JAK1: variants seen among roughly 807,000 people sequenced by gnomAD.
JAK1 encodes tyrosine-protein kinase JAK1.
In JAK1, 16 loss-of-function variants were observed where a neutral mutation model predicts 136.6. The observed-to-expected ratio is 0.12, with a 90% CI of 0.08 to 0.18. JAK1 has a LOEUF of 0.18. JAK1 is among the 10% of genes least tolerant of loss of function. JAK1 has a pLI of 1.00. For missense variants in JAK1, 859 were observed against 1,450.1 expected (o/e 0.59, Z 6.62); for synonymous variants, 492 against 519.5 (o/e 0.95, Z 0.72).
At chr1:64,917,564 G>C (rs960817634) in intron 1 of JAK1, among the ~76,000 whole-genome samples, 1 of 152,166 alleles carries the variant, frequency 6.6e-6, no homozygotes, top group Admixed American at 6.5e-5. Context: ...TCACTGCCAA[G>C]ATCCCCGTAG....
intron 1 of JAK1, among the ~76,000 whole-genome samples, chr1:64,917,646 T>C (rs1645422973): frequency 6.6e-6 from 1 of 152,184 alleles, no homozygotes; most frequent in Admixed American, 6.5e-5. Context: ...TTCTTAATCA[T>C]GCACTGATGA....
At chr1:64,928,631 T>TGTCTAGCTGGGACAGTAACTGTCTAGC in intron 1 of JAK1, among the ~76,000 whole-genome samples, 1 of 151,978 alleles carries the variant, frequency 6.6e-6, no homozygotes. Flanking sequence ...TCCCAGTAAC[T>TGTCTAGCTGGGACAGTAACTGTCTAGC]TCTGGAATTA....
At chr1:64,987,451 C>G (rs1646610595) in intron 2 of JAK1, 1 of 152,228 alleles carries the variant, frequency 6.6e-6, no homozygotes, top group African/African-American at 2.4e-5. Flanking sequence ...CCAATTAAAA[C>G]AGTCATTGCT....
chr1:65,014,945 A>G (rs991249523), intron 2 of JAK1, among the ~76,000 whole-genome samples: 2 of 152,038 alleles, frequency 1.3e-5, no homozygotes, highest in African/African-American at 4.8e-5. Flanking sequence ...TCGGCCTCCC[A>G]AAGTGCTGGG....
intron 1 of JAK1, among the ~76,000 whole-genome samples, chr1:64,926,913 AT>A (rs1271982560): frequency 1.3e-5 from 2 of 152,220 alleles, no homozygotes; most frequent in African/African-American, 4.8e-5. Context: ...GAGTTAATGT[AT>A]GTGAAGGCAC....
At chr1:64,920,100 T>C (rs1299225779) in intron 1 of JAK1, among the ~76,000 whole-genome samples, 2 of 152,234 alleles carry the variant, frequency 1.3e-5, no homozygotes, top group Non-Finnish European at 2.9e-5. Flanking sequence ...TAAAAATCAC[T>C]ATGATCATTT....
intron 1 of JAK1, among the ~76,000 whole-genome samples, chr1:64,924,048 T>C (rs1645540939): frequency 6.6e-6 from 1 of 152,180 alleles, no homozygotes; most frequent in African/African-American, 2.4e-5. Context: ...AGTAGTCTAA[T>C]ACAACAACAG....
At chr1:65,025,509 C>T (rs1193695170) in intron 2 of JAK1, among the ~76,000 whole-genome samples, 1 of 152,046 alleles carries the variant, frequency 6.6e-6, no homozygotes, top group Non-Finnish European at 1.5e-5. Flanking sequence ...ATTATTGACA[C>T]AGGAATATGG....
chr1:64,850,767 G>T, intron 12 of JAK1, 37 bp downstream of exon 12: 2 of 1,405,204 alleles, frequency 1.4e-6, no homozygotes, highest in South Asian at 1.2e-5. Flanking sequence ...GGGGAGGCAG[G>T]ACCACAGCTG....
Position 64,841,251 on chromosome 1 carries a change from C to A in JAK1, c.2643G>T (p.Leu881Phe). 6.2e-7 allele frequency: 1 copy of A among 1,613,310 alleles called. No homozygotes were observed. Among genetic ancestry groups the A allele is most frequent in the Admixed American group, 1.7e-5 (1 of 60,030 alleles). The change falls in exon 19 of 25, where the codon TTG becomes TTT. Residue 881 changes from leucine (L) to phenylalanine (F), a missense_variant. Physicochemically the swap from Leu to Phe is conservative, Grantham distance 22. Transcript: ENST00000342505. ...CAGCACGGGTGTAACTTACCTCTCC[C>A]AAGTCACGGATCCTCTTTAGGAAGC... The part of the protein sequence containing the change: ...EKRFLKRIRD[L>F]GEGHFGKVEL...
chr1:64,849,774 C>A (rs183849124), intron 12 of JAK1, among the ~76,000 whole-genome samples: 1 of 152,334 alleles, frequency 6.6e-6, no homozygotes, highest in East Asian at 1.9e-4. Flanking sequence ...GCAGGCCCCA[C>A]AGACTATGTC....
chr1:64,872,084 G>C (rs764289209), intron 5 of JAK1, among the ~76,000 whole-genome samples: 40 of 152,254 alleles, frequency 2.6e-4, no homozygotes, highest in African/African-American at 9.4e-4. Flanking sequence ...CTGGCCCTCA[G>C]GGCCTTCCCC....
At chr1:64,891,358 G>A (rs558022324) in intron 1 of JAK1, among the ~76,000 whole-genome samples, 20 of 152,202 alleles carry the variant, frequency 1.3e-4, no homozygotes, top group South Asian at 4.1e-4. Context: ...TGTCTTCTCT[G>A]GTTTTTTAGT....
intron 2 of JAK1, among the ~76,000 whole-genome samples, chr1:64,997,232 A>G (rs563368609): frequency 6.6e-6 from 1 of 152,340 alleles, no homozygotes. Flanking sequence ...AATCCACAAA[A>G]CATAAAAGTA....
chr1:64,844,101 T>C lies in JAK1; in HGVS notation c.2366A>G (p.Asn789Ser), dbSNP rs570094081. ...CTTGTCTTTCAAGGGGATCTCGCCA[T>C]TGTAGCAGATTTCCCAGAGCGTGGT... ...FGTTLWEICY[N>S]GEIPLKDKTL... Residue 789 changes from asparagine to serine, a missense_variant, in exon 17 of 25, where the codon AAT becomes AGT. Coordinates refer to ENST00000342505, the MANE Select transcript of JAK1 (RefSeq NM_002227.4). The surrounding 1 kb of genome is among the most constrained non-coding windows in gnomAD (Gnocchi z 5.7). The C allele has an allele frequency of 1.9e-6, 3 of 1,614,180 alleles. No homozygotes were observed. The highest frequency in any genetic ancestry group is 3.3e-5 in the Admixed American group (2 of 60,018).
intron 15 of JAK1, among the ~76,000 whole-genome samples, 188 bp downstream of exon 15, chr1:64,845,325 C>T (rs944901458): frequency 2.0e-5 from 3 of 152,186 alleles, no homozygotes; most frequent in African/African-American, 7.2e-5. Flanking sequence ...CATGTGAGCA[C>T]AGGGAACGGC....
intron 1 of JAK1, among the ~76,000 whole-genome samples, chr1:64,940,032 C>T (rs1001643614): frequency 1.3e-5 from 2 of 152,190 alleles, no homozygotes; most frequent in Non-Finnish European, 2.9e-5. Flanking sequence ...AGCCTTCTCA[C>T]TTAGAGCTGT....
At chr1:64,956,980 G>C (rs539437775) in intron 1 of JAK1, among the ~76,000 whole-genome samples, 1 of 152,190 alleles carries the variant, frequency 6.6e-6, no homozygotes, top group Admixed American at 6.5e-5. Flanking sequence ...ACATCTGCCA[G>C]GAAGGAGGTT....
chr1:64,968,976 G>T (rs564071869), upstream of JAK1, among the ~76,000 whole-genome samples: 8 of 151,348 alleles, frequency 5.3e-5, no homozygotes, highest in Middle Eastern at 3.4e-3. Context: ...TGGGCATGGT[G>T]GCACATGCCT....
Sources: allele counts gnomAD v4.1 joint callset (sites outside exome capture counted in the v4.1 genomes callset), GRCh38; gene constraint gnomAD v4.1.1; non-coding constraint Gnocchi (gnomAD v3.1); transcripts MANE v1.5; gene names NCBI Gene and HGNC (gene_info 2026-07-23, HGNC 2026-07-21).